TRIM24: variants seen among roughly 807,000 people sequenced by gnomAD.
The protein encoded by TRIM24 is tripartite motif containing 24.
TRIM24 carries 29 observed loss-of-function variants against 123.9 expected under a neutral mutation model. The observed-to-expected ratio is 0.23, with a 90% CI of 0.17 to 0.32. TRIM24 has a LOEUF of 0.32. Ranked by LOEUF, TRIM24 falls within the 10% of genes least tolerant of loss-of-function variation. The pLI, the probability that TRIM24 is intolerant of heterozygous loss-of-function variation, is 1.00. For missense variants in TRIM24, 932 were observed against 1,295.3 expected (o/e 0.72, Z 4.31); for synonymous variants, 456 against 461.1 (o/e 0.99, Z 0.14).
chr7:138,501,842 C>CATGT (rs1209445389), intron 1 of TRIM24, among the ~76,000 whole-genome samples: 3 of 151,240 alleles, frequency 2.0e-5, no homozygotes, highest in African/African-American at 7.3e-5. Context: ...GAGCTGAGAT[C>CATGT]ATGTCACTAC....
In TRIM24 at chr7:138,585,055, T is replaced by TCTCA; in HGVS notation, c.*105_*108dup. On this transcript the variant is annotated 3_prime_UTR_variant, in exon 19 of 19. Transcript: ENST00000343526. ...TACAAAAAGAAGAGTTTGTGACTATTCTCATCTCTGTTTTGGACGTTTACT... is the reference window on the plus strand; with the variant it reads ...TACAAAAAGAAGAGTTTGTGACTATTCTCACTCATCTCTGTTTTGGACGTTTACT... 9.9e-7 allele frequency: 1 copy of TCTCA among 1,006,060 alleles called. No individual in the cohort carries two copies. The highest frequency in any genetic ancestry group is 1.4e-6 in the Non-Finnish European group (1 of 699,322). 62.3% of individuals were successfully genotyped at this position (1,006,060 alleles called of 1,614,324 possible). A position where few individuals can be genotyped will look rare whatever the true frequency, so the allele number is the denominator to read the frequency against.
At position 138,471,607 on chromosome 7, in the gene TRIM24, C is replaced by T. The variant is rs1328251453; in HGVS notation, c.364+10695C>T. 2.0e-5 allele frequency among the ~76,000 whole-genome samples: 3 copies of T among 152,128 alleles called. No individual in the cohort carries two copies. In the East Asian group the frequency reaches 5.8e-4, roughly 29 times the overall value. On this transcript the variant is annotated intron_variant, in intron 1 of 18. Transcript: ENST00000343526. ...CCAGGCTGGAGTGCAGTGGTGCAAT[C>T]TTGGCTCACTGCAACCTCTGTCTCC... is the stretch of plus-strand genomic sequence containing the variant.
In TRIM24 at chr7:138,522,689, CT is replaced by C. The variant is rs373673175; in HGVS notation, c.765-2544del. Among the ~76,000 whole-genome samples, 39 of 151,538 alleles carry C rather than the reference CT, an allele frequency of 2.6e-4. No homozygotes were observed. In the East Asian group the frequency reaches 6.2e-3, roughly 24 times the overall value. On this transcript the variant is annotated intron_variant, in intron 4 of 18. Transcript: ENST00000343526. The stretch of plus-strand genomic sequence containing the variant: ...TGTACTATGGGCACATAAGAAAATC[CT>C]TTTTTTTAGGAAATGCACACTGAAT...
At position 138,584,863 on chromosome 7, in the gene TRIM24, A is replaced by G; in HGVS notation, c.3065A>G (p.Asn1022Ser). Residue 1022 changes from asparagine to serine, a missense_variant, in exon 19 of 19, where the codon AAT becomes AGT. Physicochemically the swap from Asn to Ser is conservative, Grantham distance 46. Transcript: ENST00000343526. ...KPEFRNESED[N>S]KFSDDSDDDF... ...GAATTCAGGAATGAATCAGAAGATA[A>G]TAAATTTAGTGATGATTCAGATGAT... 1 of 1,613,894 alleles carries G rather than the reference A, an allele frequency of 6.2e-7. No individual in the cohort carries two copies. Among genetic ancestry groups the G allele is most frequent in the East Asian group, 2.2e-5 (1 of 44,846 alleles).
At chr7:138,469,653 A>G (rs199672329) in intron 1 of TRIM24, among the ~76,000 whole-genome samples, 6 of 152,152 alleles carry the variant, frequency 3.9e-5, no homozygotes, top group East Asian at 1.9e-4. Flanking sequence ...AGTCTCCAAA[A>G]TGGCATGACT....
chr7:138,582,475 G>A (rs942367282), intron 17 of TRIM24, among the ~76,000 whole-genome samples: 4 of 151,194 alleles, frequency 2.6e-5, no homozygotes, highest in African/African-American at 9.7e-5. Context: ...CTGGGAGGCG[G>A]AGCTTGCAGT....
intron 9 of TRIM24, among the ~76,000 whole-genome samples, chr7:138,556,886 A>G (rs1205290972): frequency 6.6e-6 from 1 of 152,208 alleles, no homozygotes. Flanking sequence ...TGACTTTTAT[A>G]CACACTTCTG....
chr7:138,586,953 A>G lies in TRIM24; in HGVS notation c.*2002A>G, dbSNP rs548284324. ...AACTGTCACTATTACATTCAGTGCC[A>G]TATTTATCTTTCAAAACAGTATTTG... On this transcript the variant is annotated 3_prime_UTR_variant, in exon 19 of 19. Transcript: ENST00000343526. 6.6e-6 allele frequency: 1 copy of G among 152,236 alleles called. No homozygotes were observed. Among genetic ancestry groups the G allele is most frequent in the Non-Finnish European group, 1.5e-5 (1 of 68,046 alleles). 9.4% of individuals were successfully genotyped at this position (152,236 alleles called of 1,614,324 possible).
intron 12 of TRIM24, among the ~76,000 whole-genome samples, 192 bp downstream of exon 12, chr7:138,573,834 G>T (rs144452938): frequency 6.6e-6 from 1 of 152,078 alleles, no homozygotes; most frequent in East Asian, 1.9e-4. Flanking sequence ...TCACAGTCTC[G>T]CTCTGTTGCC....
chr7:138,502,805 T>G (rs1349462043), intron 1 of TRIM24, among the ~76,000 whole-genome samples: 1 of 152,216 alleles, frequency 6.6e-6, no homozygotes, highest in African/African-American at 2.4e-5. Context: ...ATCTTGAGGC[T>G]TGTCTTCTCA....
intron 1 of TRIM24, among the ~76,000 whole-genome samples, chr7:138,479,043 A>G (rs111425757): frequency 0.038 from 5,836 of 152,264 alleles, 157 homozygotes; most frequent in Middle Eastern, 0.088. Context: ...TCTCCTTTCT[A>G]CATCTCAGAA....
chr7:138,563,519 C>T (rs977642211), intron 9 of TRIM24, among the ~76,000 whole-genome samples: 6 of 152,154 alleles, frequency 3.9e-5, no homozygotes, highest in South Asian at 2.1e-4. Context: ...CCTAAGCCTC[C>T]GATCTGCTTC....
intron 7 of TRIM24, 83 bp from the exon 8 acceptor site, chr7:138,550,980 T>C: frequency 9.4e-7 from 1 of 1,066,410 alleles, no homozygotes; most frequent in South Asian, 1.3e-5. Flanking sequence ...TTGATGTACA[T>C]ACCAGAGACT....
chr7:138,484,756 C>T (rs888714813), intron 1 of TRIM24, among the ~76,000 whole-genome samples: 1 of 152,042 alleles, frequency 6.6e-6, no homozygotes, highest in Non-Finnish European at 1.5e-5. Flanking sequence ...ATGATACTTA[C>T]AATCCCTGTG....
At chr7:138,487,986 G>A (rs925907087) in intron 1 of TRIM24, among the ~76,000 whole-genome samples, 10 of 151,938 alleles carry the variant, frequency 6.6e-5, no homozygotes, top group Non-Finnish European at 1.0e-4. Context: ...ACTTTTTTTC[G>A]TTGGTAGGCT....
In TRIM24 at chr7:138,460,274, C is replaced by T. The variant is rs1477758329; in HGVS notation, c.-275C>T. The stretch of plus-strand genomic sequence containing the variant: ...CGGGCTGGGCGTATTCCACGAGCGC[C>T]TCGGCGGTTGGCGAAGCGGACGGGG... On this transcript the variant is annotated 5_prime_UTR_variant, in exon 1 of 19. Transcript: ENST00000343526. 1 of 363,018 alleles carries T rather than the reference C, an allele frequency of 2.8e-6. No homozygotes were observed. Among genetic ancestry groups the T allele is most frequent in the African/African-American group, 2.1e-5 (1 of 47,496 alleles). The allele number at this position is 363,018 out of a possible 1,614,324, so 22.5% of individuals were successfully genotyped here.
At chr7:138,529,539 C>T (rs184863141) in intron 6 of TRIM24, among the ~76,000 whole-genome samples, 16 of 152,260 alleles carry the variant, frequency 1.1e-4, no homozygotes, top group African/African-American at 3.6e-4. Flanking sequence ...GAAAATTTTG[C>T]ATCACCAAGG....
chr7:138,551,994 C>T (rs1797221765), intron 8 of TRIM24, among the ~76,000 whole-genome samples: 1 of 151,968 alleles, frequency 6.6e-6, no homozygotes, highest in South Asian at 2.1e-4. Flanking sequence ...AATGATATCT[C>T]AATCAGTTAA....
At chr7:138,489,805 T>C (rs931305982) in intron 1 of TRIM24, among the ~76,000 whole-genome samples, 1 of 152,166 alleles carries the variant, frequency 6.6e-6, no homozygotes, top group African/African-American at 2.4e-5. Context: ...ATTTCAACTT[T>C]GGTGAATCTG....
Sources: allele counts gnomAD v4.1 joint callset (sites outside exome capture counted in the v4.1 genomes callset), GRCh38; gene constraint gnomAD v4.1.1; transcripts MANE v1.5; gene names NCBI Gene and HGNC (gene_info 2026-07-23, HGNC 2026-07-21).